Variants in FSTL5 observed in about 807,000 individuals in gnomAD.
The protein encoded by FSTL5 is follistatin-related protein 5.
FSTL5 carries 62 observed loss-of-function variants against 89.1 expected under a neutral mutation model. The observed-to-expected ratio is 0.70, with a 90% CI of 0.57 to 0.86. The LOEUF is 0.86. FSTL5 is among the 40% of genes least tolerant of loss of function. The pLI is 0.00. For synonymous variants in FSTL5, 383 were observed against 346.2 expected, an observed-to-expected ratio of 1.11 and a Z score of -1.18; for missense variants, 1,057 against 1,001.6, an observed-to-expected ratio of 1.06 and a Z score of -0.75.
chr4:161,925,717 T>A (rs1242934001), intron 3 of FSTL5, among the ~76,000 whole-genome samples: 1 of 151,916 alleles, frequency 6.6e-6, no homozygotes, highest in Non-Finnish European at 1.5e-5. Context: ...TATCATTTAT[T>A]ACAGATTTGG....
At chr4:162,116,690 G>A (rs1452562726) in intron 1 of FSTL5, among the ~76,000 whole-genome samples, 1 of 152,064 alleles carries the variant, frequency 6.6e-6, no homozygotes, top group African/African-American at 2.4e-5. Context: ...CTGTAGGACC[G>A]CTTACCTTTT....
chr4:161,980,265 GAAAGAA>G (rs1172761149), intron 3 of FSTL5, among the ~76,000 whole-genome samples: 1 of 500 alleles, frequency 2.0e-3, no homozygotes, highest in Non-Finnish European at 8.6e-3. Context: ...AAAGAAAAAA[GAAAGAA>G]AGAAAGAAAG....
chr4:161,593,553 T>G (rs1578952019), intron 7 of FSTL5, among the ~76,000 whole-genome samples: 23 of 122,972 alleles, frequency 1.9e-4, no homozygotes, highest in South Asian at 5.1e-4. Flanking sequence ...GGAGGAGGAG[T>G]CAAGGAAGAA....
intron 4 of FSTL5, among the ~76,000 whole-genome samples, chr4:161,887,274 T>C (rs1732835186): frequency 6.6e-6 from 1 of 152,154 alleles, no homozygotes; most frequent in Non-Finnish European, 1.5e-5. Context: ...AAAGTGTTGC[T>C]ATATCCACTA....
At chr4:162,047,780 G>A (rs1388083830) in intron 2 of FSTL5, among the ~76,000 whole-genome samples, 3 of 151,716 alleles carry the variant, frequency 2.0e-5, no homozygotes, top group Non-Finnish European at 4.4e-5. Context: ...AGCTGAGATC[G>A]CACCACTGCA....
At chr4:161,980,362 T>C (rs985308827) in intron 3 of FSTL5, among the ~76,000 whole-genome samples, 19 of 152,122 alleles carry the variant, frequency 1.2e-4, no homozygotes, top group Admixed American at 1.2e-3. Context: ...ATTTGAAAAG[T>C]AAAATTGAGA....
chr4:161,584,385 A>T (rs1227689351), intron 8 of FSTL5, among the ~76,000 whole-genome samples: 1 of 152,220 alleles, frequency 6.6e-6, no homozygotes, highest in Non-Finnish European at 1.5e-5. Flanking sequence ...CCTTCTGTGA[A>T]TTAGATCACA....
At chr4:161,995,778 T>A (rs2111091008) in intron 3 of FSTL5, among the ~76,000 whole-genome samples, 1 of 152,126 alleles carries the variant, frequency 6.6e-6, no homozygotes, top group Non-Finnish European at 1.5e-5. Flanking sequence ...TTTTTTTTTT[T>A]TTTTTAATGA....
chr4:162,033,475 A>G, intron 3 of FSTL5, 150 bp downstream of exon 3: 1 of 537,660 alleles, frequency 1.9e-6, no homozygotes, highest in Non-Finnish European at 3.3e-6. Context: ...GAATCCTCAT[A>G]GGGCTCAAAA....
intron 4 of FSTL5, among the ~76,000 whole-genome samples, chr4:161,877,228 A>C (rs1732474095): frequency 6.6e-6 from 1 of 151,104 alleles, no homozygotes; most frequent in African/African-American, 2.4e-5. Context: ...GAAAATATAT[A>C]GAAAAATTAC....
At chr4:161,532,205 A>AG (rs1433198509) in intron 10 of FSTL5, among the ~76,000 whole-genome samples, 1 of 152,112 alleles carries the variant, frequency 6.6e-6, no homozygotes, top group Non-Finnish European at 1.5e-5. Context: ...ATCTCCAAAA[A>AG]AAAAAAAAGA....
intron 1 of FSTL5, among the ~76,000 whole-genome samples, chr4:162,141,485 G>C (rs1732744598): frequency 6.6e-6 from 1 of 152,094 alleles, no homozygotes; most frequent in Non-Finnish European, 1.5e-5. Flanking sequence ...TGCCATGATT[G>C]TAAGCTTCCT....
intron 6 of FSTL5, among the ~76,000 whole-genome samples, chr4:161,705,494 C>T (rs995523288): frequency 6.6e-6 from 1 of 152,142 alleles, no homozygotes; most frequent in East Asian, 1.9e-4. Context: ...AAAGTGGCCT[C>T]AGTTCAAATT....
chr4:162,040,263 G>A (rs1381918636), intron 2 of FSTL5, among the ~76,000 whole-genome samples: 1 of 152,034 alleles, frequency 6.6e-6, no homozygotes, highest in African/African-American at 2.4e-5. Context: ...ATACTGAGGT[G>A]TTTTAAAAGA....
intron 12 of FSTL5, among the ~76,000 whole-genome samples, chr4:161,491,191 G>A (rs142527691): frequency 1.3e-5 from 2 of 151,908 alleles, no homozygotes; most frequent in Non-Finnish European, 2.9e-5. Flanking sequence ...AAACAATATT[G>A]AGAATTCACA....
chr4:162,050,455 A>T (rs1294613037), intron 2 of FSTL5, among the ~76,000 whole-genome samples: 1 of 150,718 alleles, frequency 6.6e-6, no homozygotes, highest in Non-Finnish European at 1.5e-5. Flanking sequence ...AATATTATGG[A>T]TTGTCAATAA....
At chr4:161,847,863 C>T (rs1272201516) in intron 4 of FSTL5, among the ~76,000 whole-genome samples, 1 of 151,600 alleles carries the variant, frequency 6.6e-6, no homozygotes, top group African/African-American at 2.4e-5. Flanking sequence ...ATGGTGAGAC[C>T]TGTCTCTACT....
intron 4 of FSTL5, among the ~76,000 whole-genome samples, chr4:161,860,277 G>A (rs923309236): frequency 4.3e-5 from 6 of 139,766 alleles, no homozygotes; most frequent in South Asian, 2.3e-4. Context: ...GACAGAGCGA[G>A]ACTCCGTCTC....
At chr4:161,507,044 C>T (rs17340154) in intron 11 of FSTL5, among the ~76,000 whole-genome samples, 43,198 of 151,850 alleles carry the variant, frequency 0.28, 6,974 homozygotes, top group Non-Finnish European at 0.38. Flanking sequence ...ATGTTCTACT[C>T]AATATTGATC....
Sources: gnomAD v4.1 joint callset for allele counts (sites outside exome capture counted in the v4.1 genomes callset) on GRCh38, gnomAD v4.1.1 for gene constraint, MANE v1.5 for transcripts, NCBI Gene and HGNC (gene_info 2026-07-23, HGNC 2026-07-21) for gene names.